Variants in ERGIC2 observed in about 807,000 individuals in gnomAD.
The protein encoded by ERGIC2 is endoplasmic reticulum-Golgi intermediate compartment protein 2.
In ERGIC2, 31 loss-of-function variants were observed where a neutral mutation model predicts 52.5. The ratio of observed to expected loss-of-function variants is 0.59; its 90% confidence interval spans 0.44 to 0.80. The LOEUF (loss-of-function observed/expected upper bound fraction) is 0.80. Ranked by LOEUF, ERGIC2 falls within the 30% of genes least tolerant of loss-of-function variation. The probability of loss-of-function intolerance (pLI) is 0.00; values close to 1 mark genes in which losing one functional copy is unlikely to be tolerated. For synonymous variants in ERGIC2, 129 were observed against 140.6 expected, an observed-to-expected ratio of 0.92 and a Z score of 0.58; for missense variants, 395 against 455.2, an observed-to-expected ratio of 0.87 and a Z score of 1.20.
At position 29,370,136 on chromosome 12, in the gene ERGIC2, C is replaced by T. The variant is rs761613848; in HGVS notation, c.193G>A (p.Glu65Lys). Residue 65 changes from glutamate (E) to lysine (K), a missense_variant, in exon 3 of 14, where the codon GAA becomes AAA. Coordinates refer to ENST00000360150, the MANE Select transcript of ERGIC2 (RefSeq NM_016570.3). ...YQDTWMKYEYEVDKDFSSKLR... is the reference protein window; with the variant it reads ...YQDTWMKYEYKVDKDFSSKLR... ...TACCTAGAAAAATCCTTGTCTACTTCGTATTCATACTTCATCCATGTATCT... is the reference window on the plus strand; with the variant it reads ...TACCTAGAAAAATCCTTGTCTACTTTGTATTCATACTTCATCCATGTATCT... 3.3e-6 allele frequency: 5 copies of T among 1,527,666 alleles called. No individual in the cohort carries two copies. Among genetic ancestry groups the T allele is most frequent in the South Asian group, 2.7e-5 (2 of 74,998 alleles). The allele number at this position is 1,527,666 out of a possible 1,614,324, so 94.6% of individuals were successfully genotyped here. A position where few individuals can be genotyped will look rare whatever the true frequency, so the allele number is the denominator to read the frequency against.
At chr12:29,357,468 A>G (rs559780533) in intron 7 of ERGIC2, among the ~76,000 whole-genome samples, 155 bp downstream of exon 7, 5 of 152,364 alleles carry the variant, frequency 3.3e-5, no homozygotes, top group Admixed American at 3.3e-4. Context: ...ACAGGCTATA[A>G]ATTTAAGAGC....
rs933269684 is a variant in ERGIC2 at position 29,359,236 on chromosome 12, T to C, written c.375-1512A>G. Among the ~76,000 whole-genome samples the C allele has an allele frequency of 1.8e-4, 28 of 151,992 alleles. 1 individual carries two copies. The highest frequency in any genetic ancestry group is 9.8e-4 in the Admixed American group (15 of 15,248). On this transcript the variant is annotated intron_variant, in intron 6 of 13. Coordinates refer to ENST00000360150, the MANE Select transcript of ERGIC2 (RefSeq NM_016570.3). ...CTTCAGATTCAGACATTTAAAGACA[T>C]TGAATCTTTGACATTGAATCTTTGG...
chr12:29,377,337 G>A (rs901262993), intron 1 of ERGIC2, among the ~76,000 whole-genome samples: 3 of 152,154 alleles, frequency 2.0e-5, no homozygotes, highest in Non-Finnish European at 4.4e-5. Flanking sequence ...ATGGGGTATT[G>A]GTTCCAGGAC....
At position 29,349,068 on chromosome 12, in the gene ERGIC2, T is replaced by C. The variant is rs746396529; in HGVS notation, c.727+11A>G. 8.0e-6 allele frequency: 11 copies of C among 1,379,312 alleles called. No individual in the cohort carries two copies. In the East Asian group the frequency reaches 2.7e-4, roughly 34 times the overall value. The allele number at this position is 1,379,312 out of a possible 1,614,324, so 85.4% of individuals were successfully genotyped here. ...ACATGTAAAATCCAACAATAATTAT[T>C]AAATACTTACGATCTATAGCAATTT... On this transcript the variant is annotated intron_variant, in intron 10 of 13. Transcript: ENST00000360150.
intron 5 of ERGIC2, among the ~76,000 whole-genome samples, chr12:29,364,527 T>C (rs1940332094): frequency 6.6e-6 from 1 of 152,074 alleles, no homozygotes; most frequent in Non-Finnish European, 1.5e-5. Flanking sequence ...AACACCATTG[T>C]GGGCATCACC....
At chr12:29,356,125 G>A (rs1033652385) in intron 8 of ERGIC2, among the ~76,000 whole-genome samples, 2 of 151,822 alleles carry the variant, frequency 1.3e-5, no homozygotes, top group East Asian at 1.9e-4. Flanking sequence ...GGGTTCAAGC[G>A]ATTCTCCTGC....
chr12:29,370,507 G>A, intron 2 of ERGIC2, among the ~76,000 whole-genome samples: 1 of 151,928 alleles, frequency 6.6e-6, no homozygotes, highest in East Asian at 1.9e-4. Context: ...TCACTAAGTA[G>A]AGTTGACAAA....
At position 29,366,936 on chromosome 12, in the gene ERGIC2, C is replaced by A; in HGVS notation, c.274G>T (p.Asp92Tyr). ...ATTGTTTCTGCTAAATCCAATACATCCGCTCCAACATCTGCATAGAAAAAA... is the reference window on the plus strand; with the variant it reads ...ATTGTTTCTGCTAAATCCAATACATACGCTCCAACATCTGCATAGAAAAAA... ...VAMKCQYVGA[D>Y]VLDLAETMVA... The change falls in exon 5 of 14, where the codon GAT becomes TAT. Residue 92 changes from aspartate (D) to tyrosine (Y), a missense_variant. Physicochemically the swap from Asp to Tyr is radical, Grantham distance 160. Coordinates refer to ENST00000360150, the MANE Select transcript of ERGIC2 (RefSeq NM_016570.3). 1 of 1,597,416 alleles carries A rather than the reference C, an allele frequency of 6.3e-7. No homozygotes were observed. The highest frequency in any genetic ancestry group is 8.5e-7 in the Non-Finnish European group (1 of 1,170,536).
intron 12 of ERGIC2, among the ~76,000 whole-genome samples, chr12:29,342,315 A>G (rs1231978004): frequency 1.3e-5 from 2 of 152,194 alleles, no homozygotes; most frequent in African/African-American, 2.4e-5. Context: ...CACCGGGCCT[A>G]AACACAATCT....
At chr12:29,380,107 C>G (rs1413367042) in intron 1 of ERGIC2, among the ~76,000 whole-genome samples, 1 of 151,784 alleles carries the variant, frequency 6.6e-6, no homozygotes, top group Non-Finnish European at 1.5e-5. Context: ...GCACCGCCAA[C>G]CCCCACCCTC....
rs1372547863 is a variant in ERGIC2 at position 29,343,931 on chromosome 12, T to C, written c.826-649A>G. ...GCCCTCTCCCTCCCACCCCCTATCC[T>C]GCATTTTACCAACCCCAGTTACTCC... On this transcript the variant is annotated intron_variant, in intron 11 of 13. Transcript: ENST00000360150. 2.0e-5 allele frequency among the ~76,000 whole-genome samples: 3 copies of C among 151,962 alleles called. No homozygotes were observed. In the East Asian group the frequency reaches 5.8e-4, roughly 29 times the overall value.
rs767776249 is a variant in ERGIC2, at chr12:29,371,574, C to A, written c.60G>T (p.Pro20=). The change falls in exon 2 of 14, where the codon CCG becomes CCT. Residue 20 remains proline (P), a synonymous_variant. Transcript: ENST00000360150. ...TCTCTACATAGCTCTCAGGAACCTTCGGAAAGGCATCCAACTCTTTTACCA... is the reference window on the plus strand; with the variant it reads ...TCTCTACATAGCTCTCAGGAACCTTAGGAAAGGCATCCAACTCTTTTACCA... ...LSLVKELDAF[P]KVPESYVETS... is the part of the protein sequence containing the mutation. The A allele has an allele frequency of 1.4e-5, 22 of 1,613,442 alleles. No individual in the cohort carries two copies. The highest frequency in any genetic ancestry group is 1.9e-5 in the Non-Finnish European group (22 of 1,179,718).
chr12:29,370,905 C>T (rs928539099), intron 2 of ERGIC2, among the ~76,000 whole-genome samples: 1 of 151,976 alleles, frequency 6.6e-6, no homozygotes, highest in Non-Finnish European at 1.5e-5. Flanking sequence ...TTTGCAAGAA[C>T]TTGCACTATT....
intron 6 of ERGIC2, among the ~76,000 whole-genome samples, chr12:29,361,122 C>A (rs1267967256): frequency 6.6e-6 from 1 of 152,000 alleles, no homozygotes; most frequent in Admixed American, 6.6e-5. Context: ...GTGGTGTGTG[C>A]CTGTAGTGTG....
intron 1 of ERGIC2, among the ~76,000 whole-genome samples, chr12:29,379,045 A>G (rs1202730654): frequency 6.6e-6 from 1 of 152,176 alleles, no homozygotes; most frequent in Non-Finnish European, 1.5e-5. Context: ...AATCTCCTGA[A>G]GTTAGGATGG....
intron 7 of ERGIC2, 103 bp from the exon 8 acceptor site, chr12:29,356,580 A>C (rs1035607): frequency 0.29 from 172,447 of 586,746 alleles, 28,442 homozygotes; most frequent in African/African-American, 0.52. Flanking sequence ...ATCATTTTTT[A>C]GGTAATATTC....
At chr12:29,352,757 A>G (rs7311446) in intron 8 of ERGIC2, among the ~76,000 whole-genome samples, 3,626 of 152,332 alleles carry the variant, frequency 0.024, 137 homozygotes, top group African/African-American at 0.082. Context: ...GATTTGGTAT[A>G]TAAACTGTAG....
rs1251446095 is a variant in ERGIC2, at chr12:29,371,584, T to C, written c.50A>G (p.Asp17Gly). 6.2e-7 allele frequency: 1 copy of C among 1,613,718 alleles called. No homozygotes were observed. The highest frequency in any genetic ancestry group is 8.5e-7 in the Non-Finnish European group (1 of 1,179,774). ...KKTLSLVKELDAFPKVPESYV... is the reference protein window; with the variant it reads ...KKTLSLVKELGAFPKVPESYV... Reference sequence around the variant, plus strand: ...GCTCTCAGGAACCTTCGGAAAGGCATCCAACTCTTTTACCAAACTTAAAGT... The same window carrying C: ...GCTCTCAGGAACCTTCGGAAAGGCACCCAACTCTTTTACCAAACTTAAAGT... Residue 17 changes from aspartate to glycine, a missense_variant, in exon 2 of 14, where the codon GAT becomes GGT. Physicochemically the swap from Asp to Gly is moderately conservative, Grantham distance 94. Coordinates refer to ENST00000360150, the MANE Select transcript of ERGIC2 (RefSeq NM_016570.3).
intron 1 of ERGIC2, among the ~76,000 whole-genome samples, chr12:29,375,500 A>G (rs2136883236): frequency 6.6e-6 from 1 of 152,338 alleles, no homozygotes; most frequent in African/African-American, 2.4e-5. Flanking sequence ...CCTGTTGTCT[A>G]CTGTCCCAGG....
Sources: gnomAD v4.1 joint callset for allele counts (sites outside exome capture counted in the v4.1 genomes callset) on GRCh38, gnomAD v4.1.1 for gene constraint, MANE v1.5 for transcripts, NCBI Gene and HGNC (gene_info 2026-07-23, HGNC 2026-07-21) for gene names.